The following HEXB variants were observed in gnomAD, a reference collection of about 807,000 sequenced individuals.
HEXB encodes hexosaminidase subunit beta, also known as beta-hexosaminidase subunit beta.
A neutral mutation model predicts 71.2 loss-of-function variants in HEXB; 51 were observed. The observed-to-expected ratio is 0.72, with a 90% CI of 0.57 to 0.90. HEXB has a LOEUF of 0.90. HEXB is among the 40% of genes least tolerant of loss of function. The pLI, the probability that HEXB is intolerant of heterozygous loss-of-function variation, is 0.00. For missense variants in HEXB, 617 were observed against 677.0 expected (o/e 0.91, Z 0.98); for synonymous variants, 266 against 249.3 (o/e 1.07, Z -0.63).
chr5:74,695,986 C>T (rs1169081467), intron 3 of HEXB, among the ~76,000 whole-genome samples: 1 of 152,068 alleles, frequency 6.6e-6, no homozygotes, highest in Non-Finnish European at 1.5e-5. Flanking sequence ...TGTCACTTAA[C>T]AGAAACTTTC....
chr5:74,673,752 T>A (rs963421848), intron 1 of HEXB, among the ~76,000 whole-genome samples: 1 of 152,168 alleles, frequency 6.6e-6, no homozygotes, highest in African/African-American at 2.4e-5. Flanking sequence ...AATGGTGTAA[T>A]TCTAGAGTTA....
upstream of HEXB, among the ~76,000 whole-genome samples, chr5:74,680,721 C>A (rs2112115225): frequency 6.6e-6 from 1 of 152,272 alleles, no homozygotes; most frequent in South Asian, 2.1e-4. Context: ...TGTTAGGATT[C>A]CATTTTGGGG....
intron 2 of HEXB, among the ~76,000 whole-genome samples, chr5:74,692,245 C>T (rs746410408): frequency 5.3e-5 from 8 of 151,790 alleles, no homozygotes; most frequent in Admixed American, 1.3e-4. Flanking sequence ...CACCTGTAAT[C>T]CCAACACTTT....
At chr5:74,698,354 G>A (rs934877879) in intron 5 of HEXB, among the ~76,000 whole-genome samples, 3 of 151,532 alleles carry the variant, frequency 2.0e-5, no homozygotes, top group African/African-American at 7.3e-5. Flanking sequence ...GATTGCAGGT[G>A]TGAGCCACCG....
Position 74,706,653 on chromosome 5 carries a change from C to A in HEXB, c.771+1333C>A, listed in dbSNP as rs377155315. Among the ~76,000 whole-genome samples, 548 of 152,342 alleles carry A rather than the reference C, an allele frequency of 3.6e-3. 6 individuals carry two copies. The highest frequency in any genetic ancestry group is 0.013 in the African/African-American group (525 of 41,582). On this transcript the variant is annotated intron_variant, in intron 6 of 13. Transcript: ENST00000261416. ...CACACCAGGATATTATATCCTGCAC[C>A]TGGCTCGGAGGGTCCTACGTGCACG... is the stretch of plus-strand genomic sequence containing the variant.
intron 1 of HEXB, chr5:74,640,901 TC>T: frequency 6.6e-6 from 1 of 152,182 alleles, no homozygotes; most frequent in Non-Finnish European, 1.5e-5. Context: ...GAAGAGCGTG[TC>T]GGGGGAGTTA....
At chr5:74,644,954 T>C (rs902818139) in intron 1 of HEXB, among the ~76,000 whole-genome samples, 1 of 151,788 alleles carries the variant, frequency 6.6e-6, no homozygotes, top group Admixed American at 6.6e-5. Flanking sequence ...GTATTTTTAG[T>C]ACAGACAGGG....
chr5:74,696,681 T>C lies in HEXB; in HGVS notation c.512-12T>C, dbSNP rs1247615409. On this transcript the variant is annotated splice_polypyrimidine_tract_variant and intron_variant, in intron 3 of 13. Coordinates refer to ENST00000261416, the MANE Select transcript of HEXB (RefSeq NM_000521.4). ...ATTTATAAATTAATGCAATAAATTT[T>C]ACTTTCCTCAGGTTTAGAGACCTTT... The C allele has an allele frequency of 1.5e-6, 2 of 1,333,048 alleles. No homozygotes were observed. The highest frequency in any genetic ancestry group is 2.2e-6 in the Non-Finnish European group (2 of 926,398). The allele number at this position is 1,333,048 out of a possible 1,614,324, so 82.6% of individuals were successfully genotyped here. A position where few individuals can be genotyped will look rare whatever the true frequency, so the allele number is the denominator to read the frequency against.
intron 1 of HEXB, among the ~76,000 whole-genome samples, chr5:74,686,248 C>T (rs1254471197): frequency 2.0e-5 from 3 of 152,182 alleles, no homozygotes; most frequent in Non-Finnish European, 2.9e-5. Flanking sequence ...CACCCTTTGG[C>T]TGCAGACAGG....
At chr5:74,687,294 C>CAAAGTGCGACGTGG (rs1748896542) in intron 1 of HEXB, among the ~76,000 whole-genome samples, 1 of 152,162 alleles carries the variant, frequency 6.6e-6, no homozygotes, top group South Asian at 2.1e-4. Context: ...GGAGTGTTCA[C>CAAAGTGCGACGTGG]AAAGTGCGAC....
At chr5:74,690,230 G>A (rs1012762686) in intron 2 of HEXB, among the ~76,000 whole-genome samples, 4 of 152,098 alleles carry the variant, frequency 2.6e-5, no homozygotes, top group South Asian at 2.1e-4. Flanking sequence ...ATAAGTGGGC[G>A]TGCCATTTCT....
At chr5:74,666,015 A>G (rs1748425707) in intron 1 of HEXB, among the ~76,000 whole-genome samples, 1 of 152,254 alleles carries the variant, frequency 6.6e-6, no homozygotes, top group African/African-American at 2.4e-5. Flanking sequence ...AAAAAAATGC[A>G]TTATACAGAG....
chr5:74,670,813 A>G (rs1333119699), intron 1 of HEXB, among the ~76,000 whole-genome samples: 1 of 151,980 alleles, frequency 6.6e-6, no homozygotes, highest in African/African-American at 2.4e-5. Flanking sequence ...CAGCCACAAG[A>G]CCCACACAGA....
intron 13 of HEXB, 21 bp from the exon 14 acceptor site, chr5:74,721,097 C>A (rs992354118): frequency 6.0e-5 from 95 of 1,571,926 alleles, no homozygotes; most frequent in Non-Finnish European, 7.3e-5. Flanking sequence ...TCTAAAATAT[C>A]TTTATTCATG....
intron 1 of HEXB, among the ~76,000 whole-genome samples, chr5:74,642,353 AG>A (rs1280319681): frequency 1.3e-5 from 2 of 152,136 alleles, no homozygotes; most frequent in East Asian, 3.9e-4. Flanking sequence ...ATGGAGAGCC[AG>A]GGGGGCTGCG....
At position 74,685,285 on chromosome 5, in the gene HEXB, C is replaced by T. The variant is rs1312648072; in HGVS notation, c.25C>T (p.Pro9Ser). 7 of 1,547,292 alleles carry T rather than the reference C, an allele frequency of 4.5e-6. No homozygotes were observed. The African/African-American group carries it at 5.5e-5, about 12-fold the overall frequency. The change falls in exon 1 of 14, where the codon CCC becomes TCC. Residue 9 changes from proline to serine, a missense_variant. Coordinates refer to ENST00000261416, the MANE Select transcript of HEXB (RefSeq NM_000521.4). MELCGLGL[P>S]RPPMLLALLL... is the part of the protein sequence containing the mutation. ...CATGGAGCTGTGCGGGCTGGGGCTG[C>T]CCCGGCCGCCCATGCTGCTGGCGCT...
intron 5 of HEXB, 70 bp from the exon 6 acceptor site, chr5:74,705,149 A>C (rs980097183): frequency 8.6e-6 from 8 of 930,644 alleles, no homozygotes; most frequent in Non-Finnish European, 1.4e-5. Flanking sequence ...AGCAATTCCA[A>C]ATGTAGATAG....
At chr5:74,683,534 C>T (rs1748778794), upstream of HEXB, among the ~76,000 whole-genome samples, 2 of 151,546 alleles carry the variant, frequency 1.3e-5, no homozygotes, top group Admixed American at 1.3e-4. Flanking sequence ...GAACTCCTGG[C>T]CTTAAGTGAT....
At chr5:74,642,711 A>G (rs1028999821) in intron 1 of HEXB, among the ~76,000 whole-genome samples, 41 of 152,084 alleles carry the variant, frequency 2.7e-4, no homozygotes, top group Middle Eastern at 3.2e-3. Context: ...AAGCGACAGA[A>G]CTAGGGACAG....
Sources: gnomAD v4.1 joint callset for allele counts (sites outside exome capture counted in the v4.1 genomes callset) on GRCh38, gnomAD v4.1.1 for gene constraint, MANE v1.5 for transcripts, NCBI Gene and HGNC (gene_info 2026-07-23, HGNC 2026-07-21) for gene names.